GDAP2: variants seen among roughly 807,000 people sequenced by gnomAD.
The protein encoded by GDAP2 is ganglioside-induced differentiation-associated protein 2.
In GDAP2, 51 loss-of-function variants were observed where a neutral mutation model predicts 67.0. The observed-to-expected ratio is 0.76, with a 90% confidence interval of 0.61 to 0.96. The LOEUF (loss-of-function observed/expected upper bound fraction) is 0.96. Ranked by LOEUF, GDAP2 falls within the 40% of genes least tolerant of loss-of-function variation. The pLI is 0.00. For synonymous variants in GDAP2, 203 were observed against 207.3 expected (o/e 0.98, Z 0.18); for missense variants, 547 against 588.3 (o/e 0.93, Z 0.73).
chr1:117,880,937 A>G (rs1438555599), intron 12 of GDAP2, among the ~76,000 whole-genome samples: 1 of 152,180 alleles, frequency 6.6e-6, no homozygotes, highest in Non-Finnish European at 1.5e-5. Flanking sequence ...GACATTAATG[A>G]AATGTGTTCA....
chr1:117,879,782 A>C (rs748374952), intron 12 of GDAP2, among the ~76,000 whole-genome samples: 4 of 152,136 alleles, frequency 2.6e-5, no homozygotes, highest in Non-Finnish European at 5.9e-5. Flanking sequence ...TATATGTTTG[A>C]AGATTGCATA....
At chr1:117,883,235 A>G in intron 11 of GDAP2, 1 of 362,772 alleles carries the variant, frequency 2.8e-6, no homozygotes, top group South Asian at 3.3e-5. Context: ...CATCATATAA[A>G]TAGAAGGTAG....
intron 6 of GDAP2, among the ~76,000 whole-genome samples, chr1:117,905,537 T>G (rs1325489451): frequency 3.0e-4 from 45 of 152,196 alleles, no homozygotes; most frequent in Admixed American, 2.9e-3. Flanking sequence ...GCTAAAGTTA[T>G]GTCCTATCCT....
Position 117,918,702 on chromosome 1 carries a change from T to C in GDAP2, c.211A>G (p.Ile71Val), listed in dbSNP as rs1650136342. The C allele has an allele frequency of 2.5e-6, 4 of 1,600,984 alleles. No individual in the cohort carries two copies. The highest frequency in any genetic ancestry group is 2.6e-6 in the Non-Finnish European group (3 of 1,168,112). ...AGACTTTCATTGCTGGTATTCACAA[T>C]GGCTGTACAGTTCAGTAATGCCACA... is the stretch of plus-strand genomic sequence containing the variant. ...GDVALLNCTA[I>V]VNTSNESLTD... Residue 71 changes from isoleucine to valine, a missense_variant, in exon 3 of 14, where the codon ATT (isoleucine) becomes GTT (valine). Coordinates refer to ENST00000369443, the MANE Select transcript of GDAP2 (RefSeq NM_017686.4).
chr1:117,873,371 A>C (rs1420557175), intron 13 of GDAP2, among the ~76,000 whole-genome samples: 1 of 152,070 alleles, frequency 6.6e-6, no homozygotes, highest in Non-Finnish European at 1.5e-5. Context: ...ATTCCAAGTC[A>C]CATAAATCCC....
At chr1:117,895,922 A>G (rs1649246880) in intron 8 of GDAP2, among the ~76,000 whole-genome samples, 1 of 152,164 alleles carries the variant, frequency 6.6e-6, no homozygotes, top group African/African-American at 2.4e-5. Context: ...AGGGTATGAA[A>G]AAAGCATACA....
chr1:117,868,712 G>A lies in GDAP2; in HGVS notation c.*1857C>T, dbSNP rs1160089551. ...ATTGACTGTAGAAGATGAAGTTAAAGTTGCAGACTTTTAAGGTACAGTGCC... is the reference window on the plus strand; with the variant it reads ...ATTGACTGTAGAAGATGAAGTTAAAATTGCAGACTTTTAAGGTACAGTGCC... On this transcript the variant is annotated 3_prime_UTR_variant, in exon 14 of 14. Transcript: ENST00000369443. 2.0e-5 allele frequency: 3 copies of A among 152,016 alleles called. No homozygotes were observed. Among genetic ancestry groups the A allele is most frequent in the Admixed American group, 6.6e-5 (1 of 15,244 alleles). The allele number at this position is 152,016 out of a possible 1,614,324, so 9.4% of individuals were successfully genotyped here.
At chr1:117,894,054 G>T (rs1045216702) in intron 8 of GDAP2, among the ~76,000 whole-genome samples, 43 of 152,058 alleles carry the variant, frequency 2.8e-4, no homozygotes, top group African/African-American at 1.0e-3. Context: ...TTAAATTACT[G>T]TAATATCACA....
At chr1:117,887,210 A>T (rs931798882) in intron 9 of GDAP2, among the ~76,000 whole-genome samples, 2 of 152,152 alleles carry the variant, frequency 1.3e-5, no homozygotes, top group Non-Finnish European at 2.9e-5. Flanking sequence ...AATTACAGAT[A>T]TGAGCCACGA....
At chr1:117,897,343 AT>A (rs1370437204) in intron 7 of GDAP2, among the ~76,000 whole-genome samples, 1 of 152,228 alleles carries the variant, frequency 6.6e-6, no homozygotes, top group African/African-American at 2.4e-5. Flanking sequence ...AAAAAGAAGT[AT>A]AAAAAACAAG....
intron 3 of GDAP2, among the ~76,000 whole-genome samples, chr1:117,912,924 C>T (rs1423775335): frequency 6.6e-6 from 1 of 152,166 alleles, no homozygotes; most frequent in Non-Finnish European, 1.5e-5. Context: ...AGATAAGCAT[C>T]ATCAAAATTT....
In GDAP2 at chr1:117,906,610, A is replaced by G. The variant is rs1173055361; in HGVS notation, c.560-28T>C. The G allele has an allele frequency of 4.2e-6, 5 of 1,178,450 alleles. No individual in the cohort carries two copies. In the East Asian group the frequency reaches 1.2e-4, roughly 28 times the overall value. The allele number at this position is 1,178,450 out of a possible 1,614,324, so 73.0% of individuals were successfully genotyped here. A position where few individuals can be genotyped will look rare whatever the true frequency, so the allele number is the denominator to read the frequency against. ...AAGGAAAAGAATAGAAAGATTACTC[A>G]ATAAATAAAAAATTACTTATACATA... On this transcript the variant is annotated intron_variant, in intron 5 of 13. Transcript: ENST00000369443.
chr1:117,895,093 T>C (rs1436836258), intron 8 of GDAP2, among the ~76,000 whole-genome samples: 2 of 152,166 alleles, frequency 1.3e-5, no homozygotes, highest in East Asian at 1.9e-4. Flanking sequence ...CTGTCCAAAG[T>C]ACAGAACACC....
At chr1:117,871,049 G>C (rs1264284547) in intron 13 of GDAP2, among the ~76,000 whole-genome samples, 1 of 152,164 alleles carries the variant, frequency 6.6e-6, no homozygotes, top group Non-Finnish European at 1.5e-5. Context: ...CTAACATCCA[G>C]ATTCTTTTTT....
In GDAP2 at chr1:117,865,391, A is replaced by G. The variant is rs981742822; in HGVS notation, c.*5178T>C. On this transcript the variant is annotated 3_prime_UTR_variant, in exon 14 of 14. Transcript: ENST00000369443. ...ATGAGCAAAAAATATTTTAAAATAC[A>G]AAGTTTTCATAAAAGCTTTCTGAAT... The G allele has an allele frequency of 3.3e-5, 5 of 152,202 alleles. No homozygotes were observed. Among genetic ancestry groups the G allele is most frequent in the African/African-American group, 1.2e-4 (5 of 41,460 alleles). The allele number at this position is 152,202 out of a possible 1,614,324, so 9.4% of individuals were successfully genotyped here.
At chr1:117,890,459 T>A (rs546335955) in intron 8 of GDAP2, among the ~76,000 whole-genome samples, 94 of 152,006 alleles carry the variant, frequency 6.2e-4, no homozygotes, top group Admixed American at 5.3e-4. Context: ...CTGAAAAAAA[T>A]TTTTTTTAAC....
chr1:117,903,390 A>G (rs1254413296), intron 6 of GDAP2, among the ~76,000 whole-genome samples: 1 of 152,134 alleles, frequency 6.6e-6, no homozygotes, highest in Non-Finnish European at 1.5e-5. Flanking sequence ...TTTACCATTA[A>G]GTATGTTAGC....
rs1647968215 is a variant in GDAP2 at position 117,863,632 on chromosome 1, CAATA to C, written c.*6933_*6936del. ...CCCCTCTACAGAATCACTGATTTGA[CAATA>C]AATATTTTTGAGAAAATATAAGAAA... On this transcript the variant is annotated 3_prime_UTR_variant, in exon 14 of 14. Transcript: ENST00000369443. The C allele has an allele frequency of 6.6e-6, 1 of 152,036 alleles. No homozygotes were observed. Among genetic ancestry groups the C allele is most frequent in the Non-Finnish European group, 1.5e-5 (1 of 68,012 alleles). The allele number at this position is 152,036 out of a possible 1,614,324, so 9.4% of individuals were successfully genotyped here.
intron 13 of GDAP2, chr1:117,877,628 G>T: frequency 2.0e-6 from 2 of 995,880 alleles, no homozygotes; most frequent in Non-Finnish European, 2.4e-6. Context: ...CACATGATTT[G>T]CAATTAATTC....
Sources: allele counts gnomAD v4.1 joint callset (sites outside exome capture counted in the v4.1 genomes callset), GRCh38; gene constraint gnomAD v4.1.1; transcripts MANE v1.5; gene names NCBI Gene and HGNC (gene_info 2026-07-23, HGNC 2026-07-21).